Variants in SEPTIN14 observed in about 807,000 individuals in gnomAD.
The protein encoded by SEPTIN14 is septin-14.
Under a neutral mutation model 53.6 loss-of-function variants are expected in SEPTIN14, and 40 were observed. That is an observed-to-expected ratio of 0.75 (90% CI 0.58 to 0.97). SEPTIN14 has a LOEUF of 0.97. Among genes scored for constraint, SEPTIN14 ranks in the 50% least tolerant of loss-of-function variants. SEPTIN14 has a pLI of 0.00. For missense variants in SEPTIN14, 471 were observed against 508.2 expected, an observed-to-expected ratio of 0.93 and a Z score of 0.70; for synonymous variants, 138 against 166.8, an observed-to-expected ratio of 0.83 and a Z score of 1.33.
At chr7:55,807,991 A>G (rs1036500116) in intron 7 of SEPTIN14, among the ~76,000 whole-genome samples, 4 of 152,148 alleles carry the variant, frequency 2.6e-5, no homozygotes, top group African/African-American at 7.2e-5. Context: ...CAATATCACA[A>G]CTTCTAAATA....
chr7:55,827,843 A>G (rs1309266912), intron 6 of SEPTIN14, among the ~76,000 whole-genome samples: 2 of 152,212 alleles, frequency 1.3e-5, no homozygotes, highest in East Asian at 3.9e-4. Context: ...AAATCAATAA[A>G]AAGTCTACTG....
intron 5 of SEPTIN14, among the ~76,000 whole-genome samples, chr7:55,839,497 G>A (rs1201309269): frequency 6.6e-6 from 1 of 150,888 alleles, no homozygotes; most frequent in African/African-American, 2.4e-5. Context: ...AGTTACTATT[G>A]TTAGCTTCGG....
chr7:55,804,420 A>T (rs1431941589), intron 9 of SEPTIN14, among the ~76,000 whole-genome samples: 1 of 151,676 alleles, frequency 6.6e-6, no homozygotes, highest in Non-Finnish European at 1.5e-5. Flanking sequence ...CACCATGCCC[A>T]GCTAATTTTT....
intron 7 of SEPTIN14, among the ~76,000 whole-genome samples, chr7:55,810,339 A>G (rs1224325288): frequency 6.6e-6 from 1 of 152,152 alleles, no homozygotes; most frequent in Non-Finnish European, 1.5e-5. Flanking sequence ...TTAGAGTAAT[A>G]TCAAAAATAT....
chr7:55,841,643 G>A (rs1268320800), intron 5 of SEPTIN14, among the ~76,000 whole-genome samples: 1 of 152,040 alleles, frequency 6.6e-6, no homozygotes, highest in Non-Finnish European at 1.5e-5. Context: ...ATCACCCGAG[G>A]TCGGGAGTTC....
At position 55,844,723 on chromosome 7, in the gene SEPTIN14, A is replaced by G. The variant is rs772785528; in HGVS notation, c.176-5T>C. 1.3e-6 allele frequency: 2 copies of G among 1,533,890 alleles called. No individual in the cohort carries two copies. Among genetic ancestry groups the G allele is most frequent in the Non-Finnish European group, 1.8e-6 (2 of 1,120,750 alleles). ...ATTTTCCAATTCCAGTCTCCCCTGTAATAGACATAGAGTCATTGTCATAGG... is the reference window on the plus strand; with the variant it reads ...ATTTTCCAATTCCAGTCTCCCCTGTGATAGACATAGAGTCATTGTCATAGG... On this transcript the variant is annotated splice_polypyrimidine_tract_variant and splice_region_variant and intron_variant, in intron 3 of 9. Transcript: ENST00000388975.
intron 6 of SEPTIN14, among the ~76,000 whole-genome samples, chr7:55,832,481 G>A (rs538244104): frequency 6.6e-6 from 1 of 152,214 alleles, no homozygotes; most frequent in African/African-American, 2.4e-5. Context: ...ACTCATAATA[G>A]TAAAGTCATG....
intron 5 of SEPTIN14, among the ~76,000 whole-genome samples, chr7:55,840,140 A>T (rs1457271847): frequency 6.7e-6 from 1 of 149,254 alleles, no homozygotes; most frequent in East Asian, 2.0e-4. Flanking sequence ...AAAAAAAAAA[A>T]AGTGAGACTG....
intron 9 of SEPTIN14, among the ~76,000 whole-genome samples, chr7:55,804,049 T>TGGCGTGAACCCAGGAA (rs1443620084): frequency 7.3e-6 from 1 of 136,682 alleles, no homozygotes; most frequent in Non-Finnish European, 1.5e-5. Context: ...GGCAGGAGAA[T>TGGCGTGAACCCAGGAA]GGCGTGAACC....
intron 9 of SEPTIN14, among the ~76,000 whole-genome samples, chr7:55,804,134 TAAAAAAA>T (rs35467838): frequency 6.4e-5 from 3 of 47,056 alleles, no homozygotes; most frequent in Non-Finnish European, 1.2e-4. Context: ...AGACTCTGTC[TAAAAAAA>T]AAAAAAAAAA....
At chr7:55,845,182 C>T (rs1789380932) in intron 3 of SEPTIN14, among the ~76,000 whole-genome samples, 1 of 152,076 alleles carries the variant, frequency 6.6e-6, no homozygotes, top group South Asian at 2.1e-4. Flanking sequence ...TGTTCTCAGC[C>T]ATAAAAAAGA....
intron 2 of SEPTIN14, among the ~76,000 whole-genome samples, chr7:55,852,611 C>T (rs1282718316): frequency 6.6e-6 from 1 of 152,104 alleles, no homozygotes; most frequent in African/African-American, 2.4e-5. Flanking sequence ...GGGAAACTTT[C>T]CAGGACATTG....
At chr7:55,817,457 A>ATT (rs916234014) in intron 7 of SEPTIN14, among the ~76,000 whole-genome samples, 4 of 145,284 alleles carry the variant, frequency 2.8e-5, no homozygotes, top group African/African-American at 1.1e-4. Context: ...TAATAACAAT[A>ATT]TTTTATATAT....
intron 9 of SEPTIN14, among the ~76,000 whole-genome samples, chr7:55,803,008 G>A (rs914708727): frequency 6.6e-6 from 1 of 151,780 alleles, no homozygotes; most frequent in Non-Finnish European, 1.5e-5. Flanking sequence ...TGCAATCTGG[G>A]CTCACTGTAA....
At chr7:55,838,545 C>T (rs866559499) in intron 5 of SEPTIN14, among the ~76,000 whole-genome samples, 264 of 118,352 alleles carry the variant, frequency 2.2e-3, no homozygotes, top group African/African-American at 7.6e-3. Context: ...TCCTCCCTCC[C>T]TTCCTTCCTT....
At chr7:55,854,537 C>A (rs1789576406) in intron 2 of SEPTIN14, among the ~76,000 whole-genome samples, 1 of 151,946 alleles carries the variant, frequency 6.6e-6, no homozygotes, top group African/African-American at 2.4e-5. Context: ...TCACGCTATT[C>A]TCCTGCCTCA....
chr7:55,854,952 A>G (rs1789588236), intron 2 of SEPTIN14, among the ~76,000 whole-genome samples: 1 of 152,166 alleles, frequency 6.6e-6, no homozygotes, highest in African/African-American at 2.4e-5. Context: ...AGCAGAAAAA[A>G]GACATCACTA....
rs192270468 is a variant in SEPTIN14 at position 55,832,095 on chromosome 7, G to A, written c.720+2330C>T. On this transcript the variant is annotated intron_variant, in intron 6 of 9. Transcript: ENST00000388975. ...CAGGCACCTGTAATCCCAGCTACTC[G>A]GAGGCTGAGGCAGGGGAATCTCTTG... Among the ~76,000 whole-genome samples the A allele has an allele frequency of 1.4e-3, 211 of 152,010 alleles. 2 individuals carry two copies. Among genetic ancestry groups the A allele is most frequent in the Middle Eastern group, 0.01 (3 of 294 alleles).
chr7:55,826,435 T>C (rs150368141), intron 6 of SEPTIN14, among the ~76,000 whole-genome samples: 5 of 152,272 alleles, frequency 3.3e-5, no homozygotes, highest in Middle Eastern at 3.4e-3. Flanking sequence ...AACAGTGGGA[T>C]GATTCAATGT....
Sources: gnomAD v4.1 joint callset for allele counts (sites outside exome capture counted in the v4.1 genomes callset) on GRCh38, gnomAD v4.1.1 for gene constraint, MANE v1.5 for transcripts, NCBI Gene and HGNC (gene_info 2026-07-23, HGNC 2026-07-21) for gene names.